Variants in FSHR observed in about 807,000 individuals in gnomAD.
FSHR encodes the protein follicle stimulating hormone receptor.
Under a neutral mutation model 52.1 loss-of-function variants are expected in FSHR, and 46 were observed. That is an observed-to-expected ratio of 0.88 (90% CI 0.70 to 1.13). The LOEUF is 1.13. Among genes scored for constraint, FSHR ranks in the 50% most tolerant of loss-of-function variants. FSHR has a pLI of 0.00. For synonymous variants in FSHR, 399 were observed against 309.6 expected (o/e 1.29, Z -3.03); for missense variants, 964 against 834.6 (o/e 1.16, Z -1.91).
At chr2:49,092,825 G>C (rs6718815) in intron 1 of FSHR, among the ~76,000 whole-genome samples, 43,829 of 151,624 alleles carry the variant, frequency 0.29, 6,573 homozygotes, top group East Asian at 0.51. Context: ...ACCACCATGC[G>C]CAGCTATTTT....
chr2:49,020,555 T>C (rs1667652466), intron 2 of FSHR, among the ~76,000 whole-genome samples: 1 of 152,056 alleles, frequency 6.6e-6, no homozygotes, highest in African/African-American at 2.4e-5. Flanking sequence ...TTTTTTGCCC[T>C]TGCTGTGGTA....
intron 1 of FSHR, among the ~76,000 whole-genome samples, chr2:49,124,685 A>G (rs576222306): frequency 6.6e-6 from 1 of 152,086 alleles, no homozygotes; most frequent in Non-Finnish European, 1.5e-5. Context: ...ACCCCTTCTC[A>G]TCACCTTCTC....
chr2:49,112,936 G>A (rs1006356458), intron 1 of FSHR, among the ~76,000 whole-genome samples: 1 of 152,166 alleles, frequency 6.6e-6, no homozygotes, highest in Non-Finnish European at 1.5e-5. Context: ...GCCCAGGTGG[G>A]AGGAAGCAAC....
rs758679270 is a variant in FSHR at position 49,068,300 on chromosome 2, G to A, written c.153-10C>T. 15 of 1,607,964 alleles carry A rather than the reference G, an allele frequency of 9.3e-6. No homozygotes were observed. The highest frequency in any genetic ancestry group is 3.4e-6 in the Non-Finnish European group (4 of 1,175,546). ...GGTGAGGACAAACCTCCTGCAAAGA[G>A]AGTAGAAATAAAATATCACAACCTA... is the stretch of plus-strand genomic sequence containing the variant. On this transcript the variant is annotated splice_polypyrimidine_tract_variant and intron_variant, in intron 1 of 9. Coordinates refer to ENST00000406846, the MANE Select transcript of FSHR (RefSeq NM_000145.4).
intron 1 of FSHR, among the ~76,000 whole-genome samples, chr2:49,085,966 G>T (rs1034884971): frequency 1.3e-5 from 2 of 150,190 alleles, no homozygotes; most frequent in Non-Finnish European, 3.0e-5. Flanking sequence ...GCCTGTTGTG[G>T]GGGGGGGGAG....
intron 1 of FSHR, among the ~76,000 whole-genome samples, chr2:49,086,607 G>A (rs546954882): frequency 1.3e-5 from 2 of 152,296 alleles, no homozygotes; most frequent in South Asian, 2.1e-4. Context: ...CTGGAGGTGG[G>A]TGTGCTATCA....
intron 2 of FSHR, among the ~76,000 whole-genome samples, chr2:49,058,678 AT>A (rs1223210696): frequency 6.6e-6 from 1 of 152,162 alleles, no homozygotes; most frequent in Non-Finnish European, 1.5e-5. Context: ...TGAAAAAAAA[AT>A]AAAGAAGCCC....
chr2:49,112,839 G>T (rs927801602), intron 1 of FSHR, among the ~76,000 whole-genome samples: 3 of 152,302 alleles, frequency 2.0e-5, no homozygotes, highest in Non-Finnish European at 2.9e-5. Context: ...AGCTGGCCAT[G>T]CTGCGTATTT....
chr2:48,980,720 T>C (rs1369940785), intron 8 of FSHR, among the ~76,000 whole-genome samples: 2 of 152,168 alleles, frequency 1.3e-5, no homozygotes, highest in African/African-American at 4.8e-5. Flanking sequence ...TGGGAATACA[T>C]GGAATGTGAG....
intron 1 of FSHR, among the ~76,000 whole-genome samples, chr2:49,094,672 G>C (rs1670755749): frequency 6.6e-6 from 1 of 152,098 alleles, no homozygotes; most frequent in Non-Finnish European, 1.5e-5. Flanking sequence ...AGAGAGAGCA[G>C]TGCTTTGAGG....
chr2:49,031,435 A>G (rs1306111348), intron 2 of FSHR, among the ~76,000 whole-genome samples: 1 of 152,198 alleles, frequency 6.6e-6, no homozygotes, highest in Non-Finnish European at 1.5e-5. Flanking sequence ...TTTATCAGCT[A>G]TCTCCTAGAT....
intron 6 of FSHR, among the ~76,000 whole-genome samples, chr2:48,986,632 C>T (rs1197228581): frequency 6.6e-6 from 1 of 152,164 alleles, no homozygotes; most frequent in Non-Finnish European, 1.5e-5. Context: ...TAAAAGAAAA[C>T]TCCTTTCCTG....
chr2:48,971,130 A>G (rs905305371), intron 8 of FSHR, among the ~76,000 whole-genome samples: 6 of 152,198 alleles, frequency 3.9e-5, no homozygotes, highest in African/African-American at 1.2e-4. Context: ...GTCACTGTAT[A>G]CAGTGTGTTG....
At chr2:49,023,323 T>C (rs1015781147) in intron 2 of FSHR, among the ~76,000 whole-genome samples, 1 of 152,194 alleles carries the variant, frequency 6.6e-6, no homozygotes, top group Non-Finnish European at 1.5e-5. Flanking sequence ...TAATTTGATA[T>C]GTAGTTAGTG....
At chr2:49,130,387 G>A (rs1672221157) in intron 1 of FSHR, among the ~76,000 whole-genome samples, 1 of 152,120 alleles carries the variant, frequency 6.6e-6, no homozygotes, top group East Asian at 1.9e-4. Context: ...AGGAAGGCCT[G>A]GACTCCCTGA....
intron 5 of FSHR, 105 bp downstream of exon 5, chr2:48,990,461 A>C: frequency 3.7e-6 from 3 of 821,766 alleles, no homozygotes; most frequent in Non-Finnish European, 6.5e-6. Context: ...AGAGCAATAC[A>C]TTTGGAGGAT....
intron 1 of FSHR, among the ~76,000 whole-genome samples, chr2:49,123,921 A>AT (rs1349885031): frequency 6.6e-6 from 1 of 152,000 alleles, no homozygotes; most frequent in Non-Finnish European, 1.5e-5. Context: ...TTGCTTAGCT[A>AT]TTAGGAGGGT....
intron 1 of FSHR, among the ~76,000 whole-genome samples, chr2:49,103,402 CA>C (rs1195606360): frequency 6.6e-6 from 1 of 152,166 alleles, no homozygotes; most frequent in Non-Finnish European, 1.5e-5. Context: ...GATTTAGAAA[CA>C]AACGTAAGGC....
intron 9 of FSHR, among the ~76,000 whole-genome samples, chr2:48,964,675 G>A (rs545745372): frequency 1.6e-4 from 25 of 152,260 alleles, no homozygotes; most frequent in Middle Eastern, 3.4e-3. Context: ...AATGCAAGCT[G>A]CAAAAGGACC....
Sources: gnomAD v4.1 joint callset for allele counts (sites outside exome capture counted in the v4.1 genomes callset) on GRCh38, gnomAD v4.1.1 for gene constraint, MANE v1.5 for transcripts, NCBI Gene and HGNC (gene_info 2026-07-23, HGNC 2026-07-21) for gene names.